The following NAALADL2 variants were observed in gnomAD, a reference collection of about 807,000 sequenced individuals.
NAALADL2 encodes the protein inactive N-acetylated-alpha-linked acidic dipeptidase-like protein 2.
NAALADL2 carries 76 observed loss-of-function variants against 87.2 expected under a neutral mutation model. That is an observed-to-expected ratio of 0.87 (90% CI 0.72 to 1.05). The LOEUF is 1.05. Ranked by LOEUF, NAALADL2 falls within the 50% of genes least tolerant of loss-of-function variation. NAALADL2 has a pLI of 0.00. For missense variants in NAALADL2, 1,089 were observed against 945.8 expected, an observed-to-expected ratio of 1.15 and a Z score of -1.99; for synonymous variants, 354 against 331.0, an observed-to-expected ratio of 1.07 and a Z score of -0.75.
rs1199921994 is a variant in NAALADL2 at position 175,692,528 on chromosome 3, A to C, written c.1897-44778A>C. 2.0e-5 allele frequency among the ~76,000 whole-genome samples: 3 copies of C among 152,134 alleles called. No homozygotes were observed. In the East Asian group the frequency reaches 5.8e-4, roughly 29 times the overall value. The stretch of plus-strand genomic sequence containing the variant: ...TGGCTGAAACTAGTCAGGACATGGC[A>C]TTATCCTAGCCATAGTGATTTTCTT... On this transcript the variant is annotated intron_variant, in intron 11 of 13. Coordinates refer to ENST00000454872, the MANE Select transcript of NAALADL2 (RefSeq NM_207015.3).
intron 2 of NAALADL2, among the ~76,000 whole-genome samples, chr3:174,568,497 T>A (rs917689252): frequency 1.3e-5 from 2 of 151,818 alleles, no homozygotes; most frequent in Non-Finnish European, 3.0e-5. Flanking sequence ...AGTGCTTTAG[T>A]ATCAGTACAA....
chr3:174,452,145 T>A (rs1035913530), intron 1 of NAALADL2, among the ~76,000 whole-genome samples: 2 of 151,990 alleles, frequency 1.3e-5, no homozygotes, highest in Admixed American at 6.6e-5. Flanking sequence ...GCCTGGCCGA[T>A]AGTGGGAGTG....
intron 5 of NAALADL2, among the ~76,000 whole-genome samples, chr3:175,364,709 C>T (rs1560435421): frequency 6.8e-6 from 1 of 146,634 alleles, no homozygotes; most frequent in African/African-American, 2.5e-5. Flanking sequence ...CAAAGAGACC[C>T]TTTTTTTTGA....
intron 2 of NAALADL2, among the ~76,000 whole-genome samples, chr3:175,184,858 C>A (rs914857040): frequency 2.0e-5 from 3 of 152,030 alleles, no homozygotes; most frequent in African/African-American, 7.2e-5. Context: ...CAAACTTATT[C>A]CAAAAACTAA....
intron 3 of NAALADL2, among the ~76,000 whole-genome samples, chr3:174,747,099 G>A (rs142042868): frequency 0.025 from 3,842 of 152,090 alleles, 169 homozygotes; most frequent in African/African-American, 0.087. Flanking sequence ...AAACTAAAGC[G>A]CTTCTGCATA....
intron 1 of NAALADL2, chr3:175,079,461 G>T (rs555264853): frequency 1.3e-5 from 2 of 152,176 alleles, no homozygotes; most frequent in South Asian, 4.1e-4. Context: ...TGTTGTTGTT[G>T]CTTGTGCTTT....
chr3:175,473,858 A>G (rs1050946704), intron 9 of NAALADL2, among the ~76,000 whole-genome samples: 5 of 152,170 alleles, frequency 3.3e-5, no homozygotes, highest in Non-Finnish European at 5.9e-5. Flanking sequence ...GATTTTATCA[A>G]TGATTAAGGA....
chr3:175,634,399 AAACTT>A (rs1157322966), intron 11 of NAALADL2, among the ~76,000 whole-genome samples: 1 of 152,038 alleles, frequency 6.6e-6, no homozygotes, highest in African/African-American at 2.4e-5. Flanking sequence ...TGGTAACTGA[AAACTT>A]AAAATGATCT....
intron 2 of NAALADL2, among the ~76,000 whole-genome samples, chr3:174,554,419 T>A (rs1359167086): frequency 6.6e-6 from 1 of 152,030 alleles, no homozygotes; most frequent in Non-Finnish European, 1.5e-5. Context: ...TCGACACCCC[T>A]TTCTCTTTTT....
chr3:174,707,640 C>T lies in NAALADL2; in HGVS notation c.-114-30001C>T, dbSNP rs554879380. On this transcript the variant is annotated intron_variant, in intron 2 of 3. Coordinates refer to the NAALADL2 transcript ENST00000434257. ...GAAGGGGAACATCACACACTGGGGC[C>T]TGTTGTGGGGTGGGGGGAGGGGGAG... 2.7e-3 allele frequency among the ~76,000 whole-genome samples: 235 copies of T among 86,420 alleles called. 2 individuals are homozygous for T. The highest frequency in any genetic ancestry group is 0.011 in the African/African-American group (228 of 20,278). 56.7% of individuals were successfully genotyped at this position (86,420 alleles called of 152,430 possible). A position where few individuals can be genotyped will look rare whatever the true frequency, so the allele number is the denominator to read the frequency against.
chr3:175,527,001 C>T (rs1191704833), intron 9 of NAALADL2, among the ~76,000 whole-genome samples: 2 of 152,124 alleles, frequency 1.3e-5, no homozygotes, highest in African/African-American at 4.8e-5. Flanking sequence ...TTTCCTTGTA[C>T]TGTTTCCTTT....
chr3:175,597,696 A>G lies in NAALADL2; in HGVS notation c.1800+21509A>G, dbSNP rs1328795311. 2.6e-5 allele frequency among the ~76,000 whole-genome samples: 4 copies of G among 152,102 alleles called. No individual in the cohort carries two copies. In the East Asian group the frequency reaches 5.8e-4, roughly 22 times the overall value. On this transcript the variant is annotated intron_variant, in intron 10 of 13. Transcript: ENST00000454872. The stretch of plus-strand genomic sequence containing the variant: ...TTGCCTCTGCCTACTAAATGCCACT[A>G]TAGTTACCATTCTCCCCAAGTTGTA...
chr3:174,866,481 A>G (rs553615857), intron 1 of NAALADL2, among the ~76,000 whole-genome samples: 1 of 151,924 alleles, frequency 6.6e-6, no homozygotes, highest in East Asian at 1.9e-4. Flanking sequence ...ATGTATTTAC[A>G]TGATTTACAT....
chr3:175,598,339 A>G (rs1478157250), intron 10 of NAALADL2, among the ~76,000 whole-genome samples: 1 of 149,034 alleles, frequency 6.7e-6, no homozygotes, highest in Non-Finnish European at 1.5e-5. Flanking sequence ...GTCTAAAAAA[A>G]TAGCCCTAAG....
chr3:175,522,217 A>G (rs1732746556), intron 9 of NAALADL2, among the ~76,000 whole-genome samples: 1 of 152,290 alleles, frequency 6.6e-6, no homozygotes, highest in African/African-American at 2.4e-5. Flanking sequence ...TTTATTTTAC[A>G]TATATATTGA....
At chr3:174,503,279 T>C (rs1378256563) in intron 1 of NAALADL2, among the ~76,000 whole-genome samples, 1 of 152,212 alleles carries the variant, frequency 6.6e-6, no homozygotes, top group Non-Finnish European at 1.5e-5. Flanking sequence ...TGTTTCTGAA[T>C]TTACATAAGT....
intron 2 of NAALADL2, chr3:175,112,472 A>G (rs939621585): frequency 1.3e-5 from 2 of 151,582 alleles, no homozygotes; most frequent in Admixed American, 6.6e-5. Flanking sequence ...GTCCCAACAC[A>G]TATTTAGGGG....
chr3:174,877,127 C>G (rs1293928464), intron 1 of NAALADL2, among the ~76,000 whole-genome samples: 1 of 152,106 alleles, frequency 6.6e-6, no homozygotes, highest in African/African-American at 2.4e-5. Flanking sequence ...GTTTAGCCAG[C>G]TGAAACTGCT....
chr3:175,167,166 A>G (rs1441372654), intron 2 of NAALADL2, among the ~76,000 whole-genome samples: 2 of 152,104 alleles, frequency 1.3e-5, no homozygotes, highest in African/African-American at 2.4e-5. Flanking sequence ...CATACAGTCT[A>G]TTGCAACCAC....
Sources: allele counts gnomAD v4.1 joint callset (sites outside exome capture counted in the v4.1 genomes callset), GRCh38; gene constraint gnomAD v4.1.1; transcripts MANE v1.5; gene names NCBI Gene and HGNC (gene_info 2026-07-23, HGNC 2026-07-21).